SNX1: variants seen among roughly 807,000 people sequenced by gnomAD.
The protein encoded by SNX1 is sorting nexin-1.
In SNX1, 36 loss-of-function variants were observed where a neutral mutation model predicts 71.8. The observed-to-expected ratio is 0.50, with a 90% CI of 0.38 to 0.66. SNX1 has a LOEUF of 0.66. SNX1 is among the 30% of genes least tolerant of loss of function. The probability of loss-of-function intolerance (pLI) is 0.00; values close to 1 mark genes in which losing one functional copy is unlikely to be tolerated. For missense variants in SNX1, 612 were observed against 646.7 expected (o/e 0.95, Z 0.58); for synonymous variants, 254 against 240.7 (o/e 1.06, Z -0.51).
In SNX1 at chr15:64,140,983, TGATAGATAG is replaced by T. The variant is rs2081407008; in HGVS notation, c.*3366_*3374del. 1.8e-4 allele frequency: 27 copies of T among 148,780 alleles called. No individual in the cohort carries two copies. Among genetic ancestry groups the T allele is most frequent in the East Asian group, 5.9e-4 (3 of 5,122 alleles). 9.2% of individuals were successfully genotyped at this position (148,780 alleles called of 1,614,324 possible). On this transcript the variant is annotated 3_prime_UTR_variant, in exon 15 of 15. Coordinates refer to ENST00000559844, the MANE Select transcript of SNX1 (RefSeq NM_003099.5). ...GCTCTCACCATACAGTGCAAAGAGATGATAGATAGATAGATAGATAGATAGATAGATAGA... is the reference window on the plus strand; with the variant it reads ...GCTCTCACCATACAGTGCAAAGAGATATAGATAGATAGATAGATAGATAGA...
At chr15:64,136,447 G>A (rs764280730) in intron 13 of SNX1, 37 bp downstream of exon 13, 2 of 1,553,142 alleles carry the variant, frequency 1.3e-6, no homozygotes, top group Non-Finnish European at 1.8e-6. Flanking sequence ...TTAGCATGCA[G>A]TGCTTGTTTT....
intron 1 of SNX1, among the ~76,000 whole-genome samples, chr15:64,102,166 C>G (rs182402077): frequency 5.1e-4 from 77 of 152,246 alleles, no homozygotes; most frequent in Non-Finnish European, 9.1e-4. Flanking sequence ...TATTTTTTGA[C>G]ATCCCTTGGT....
At chr15:64,115,151 C>T (rs543861613) in intron 2 of SNX1, among the ~76,000 whole-genome samples, 1 of 152,094 alleles carries the variant, frequency 6.6e-6, no homozygotes, top group Admixed American at 6.5e-5. Context: ...TAATAGTTAC[C>T]CAGTGATTGG....
intron 1 of SNX1, 114 bp downstream of exon 1, chr15:64,096,286 G>A: frequency 7.8e-7 from 1 of 1,290,292 alleles, no homozygotes; most frequent in Admixed American, 2.9e-5. Flanking sequence ...TTGCCTCGGT[G>A]TCAGCAGTCC....
At chr15:64,124,343 A>G (rs1180664335) in intron 5 of SNX1, among the ~76,000 whole-genome samples, 1 of 151,320 alleles carries the variant, frequency 6.6e-6, no homozygotes, top group African/African-American at 2.4e-5. Flanking sequence ...TGTCTCTACT[A>G]AAAATACAAA....
At chr15:64,119,732 A>AG (rs2081173191) in intron 4 of SNX1, among the ~76,000 whole-genome samples, 1 of 103,118 alleles carries the variant, frequency 9.7e-6, no homozygotes, top group Non-Finnish European at 2.6e-5. Context: ...TTAAAAAAAA[A>AG]AAAAAACACA....
intron 1 of SNX1, among the ~76,000 whole-genome samples, chr15:64,100,377 G>GT (rs1343352516): frequency 6.6e-6 from 1 of 152,022 alleles, no homozygotes; most frequent in Non-Finnish European, 1.5e-5. Context: ...CGAGGCGGGC[G>GT]TATCACAAGG....
intron 7 of SNX1, 85 bp from the exon 8 acceptor site, chr15:64,127,646 C>A: frequency 2.1e-6 from 2 of 930,942 alleles, no homozygotes; most frequent in South Asian, 1.4e-5. Flanking sequence ...GTACAGAAGA[C>A]ATGGTATCAC....
At chr15:64,116,896 C>T (rs1286123114) in intron 2 of SNX1, among the ~76,000 whole-genome samples, 1 of 152,182 alleles carries the variant, frequency 6.6e-6, no homozygotes, top group Admixed American at 6.5e-5. Context: ...GAGTACTCCC[C>T]AGATAGACAA....
In SNX1 at chr15:64,127,770, G is replaced by A; in HGVS notation, c.771G>A (p.Gln257=). 6.2e-7 allele frequency: 1 copy of A among 1,613,908 alleles called. No individual in the cohort carries two copies. The highest frequency in any genetic ancestry group is 8.5e-7 in the Non-Finnish European group (1 of 1,179,834). Residue 257 remains glutamine, a synonymous_variant, in exon 8 of 15, where the codon CAG becomes CAA. Coordinates refer to ENST00000559844, the MANE Select transcript of SNX1 (RefSeq NM_003099.5). ...TTGTAAATCATCCTACCATGTTACA[G>A]GACCCTGACGTCAGAGAGTTCTTGG... ...QRIVNHPTML[Q]DPDVREFLEK...
At chr15:64,112,126 C>A (rs1249264680) in intron 1 of SNX1, among the ~76,000 whole-genome samples, 1 of 152,212 alleles carries the variant, frequency 6.6e-6, no homozygotes, top group African/African-American at 2.4e-5. Context: ...AATATCCACA[C>A]AGCTGGGCTT....
At chr15:64,133,797 C>T (rs1437555144) in intron 11 of SNX1, among the ~76,000 whole-genome samples, 5 of 152,166 alleles carry the variant, frequency 3.3e-5, no homozygotes, top group South Asian at 2.1e-4. Flanking sequence ...CCCGGCTGGG[C>T]GGCTGGCCCC....
At chr15:64,113,596 G>T (rs2081099597) in intron 2 of SNX1, among the ~76,000 whole-genome samples, 1 of 152,132 alleles carries the variant, frequency 6.6e-6, no homozygotes, top group South Asian at 2.1e-4. Context: ...AAGGTGGGTG[G>T]ATCACTTGAG....
chr15:64,110,826 T>C (rs1195272944), intron 1 of SNX1, among the ~76,000 whole-genome samples: 1 of 152,248 alleles, frequency 6.6e-6, no homozygotes, highest in East Asian at 1.9e-4. Context: ...ATTCTAACAC[T>C]GCTCCGGAAA....
rs143203395 is a variant in SNX1 at position 64,129,990 on chromosome 15, C to T, written c.882C>T (p.Ala294=). The T allele has an allele frequency of 2.5e-5, 41 of 1,614,006 alleles. No individual in the cohort carries two copies. Among genetic ancestry groups the T allele is most frequent in the South Asian group, 6.6e-5 (6 of 91,078 alleles). Residue 294 remains alanine, a synonymous_variant, in exon 9 of 15, where the codon GCC becomes GCT. Coordinates refer to ENST00000559844, the MANE Select transcript of SNX1 (RefSeq NM_003099.5). The surrounding 1 kb of genome is among the most constrained non-coding windows in gnomAD (Gnocchi z 4.4). ...AGATGTTCAACAAAGCCACAGATGC[C>T]GTCAGCAAAATGACCATCAAGATGA... ...LLKMFNKATD[A]VSKMTIKMNE... is the part of the protein sequence containing the mutation.
At chr15:64,109,066 T>C (rs1273724930) in intron 1 of SNX1, among the ~76,000 whole-genome samples, 1 of 150,024 alleles carries the variant, frequency 6.7e-6, no homozygotes, top group Non-Finnish European at 1.5e-5. Context: ...AACATACTTC[T>C]GTGTAAGAAA....
chr15:64,125,165 T>G (rs1230604997), intron 5 of SNX1, among the ~76,000 whole-genome samples: 1 of 152,166 alleles, frequency 6.6e-6, no homozygotes, highest in Admixed American at 6.6e-5. Flanking sequence ...GCTAATACCC[T>G]TAAATAAGTC....
chr15:64,129,709 AT>A lies in SNX1; in HGVS notation c.808-206del. 1.3e-5 allele frequency among the ~76,000 whole-genome samples: 2 copies of A among 152,332 alleles called. No individual in the cohort carries two copies. The highest frequency in any genetic ancestry group is 4.1e-4 in the South Asian group (2 of 4,832). On this transcript the variant is annotated intron_variant, in intron 8 of 14. Transcript: ENST00000559844. The surrounding 1 kb of genome is among the most constrained non-coding windows in gnomAD (Gnocchi z 4.4). ...CTGTATAAAATATCAAAAGCTGAAA[AT>A]GTTGCTGATTCTTTTTAACATGGTT...
At chr15:64,110,462 T>TGTAGTGG in intron 1 of SNX1, among the ~76,000 whole-genome samples, 1 of 152,274 alleles carries the variant, frequency 6.6e-6, no homozygotes, top group African/African-American at 2.4e-5. Context: ...AGTGGTGTGA[T>TGTAGTGG]CATGGCTCAC....
Sources: gnomAD v4.1 joint callset for allele counts (sites outside exome capture counted in the v4.1 genomes callset) on GRCh38, gnomAD v4.1.1 for gene constraint, Gnocchi (gnomAD v3.1) non-coding constraint, MANE v1.5 for transcripts, NCBI Gene and HGNC (gene_info 2026-07-23, HGNC 2026-07-21) for gene names.